MAST1: variants seen among roughly 807,000 people sequenced by gnomAD.
The protein encoded by MAST1 is microtubule associated serine/threonine kinase 1.
A neutral mutation model predicts 124.6 loss-of-function variants in MAST1; 40 were observed. The observed-to-expected ratio is 0.32, with a 90% CI of 0.25 to 0.42. The LOEUF (loss-of-function observed/expected upper bound fraction) is 0.42, where lower values mean the gene tolerates loss of function less well. Ranked by LOEUF, MAST1 falls within the 10% of genes least tolerant of loss-of-function variation. MAST1 has a pLI of 1.00. For missense variants in MAST1, 1,558 were observed against 2,181.9 expected (o/e 0.71, Z 5.70); for synonymous variants, 938 against 939.4 (o/e 1.00, Z 0.03).
At chr19:12,849,804 TA>T (rs1330807756) in intron 7 of MAST1, among the ~76,000 whole-genome samples, 1 of 152,086 alleles carries the variant, frequency 6.6e-6, no homozygotes, top group Non-Finnish European at 1.5e-5. Context: ...TTATTTATTT[TA>T]TTTTTTTTGG....
intron 12 of MAST1, among the ~76,000 whole-genome samples, chr19:12,864,174 G>A (rs992426364): frequency 2.6e-5 from 4 of 152,098 alleles, no homozygotes; most frequent in South Asian, 2.1e-4. Context: ...TGATCCACCC[G>A]CCTTGGCTTC....
intron 4 of MAST1, among the ~76,000 whole-genome samples, chr19:12,846,800 C>T (rs369671839): frequency 7.1e-6 from 1 of 140,938 alleles, no homozygotes; most frequent in African/African-American, 2.8e-5. Flanking sequence ...ATCGCTTGAA[C>T]GCGGGAGGCG....
At chr19:12,860,384 G>T (rs2145903015) in intron 12 of MAST1, among the ~76,000 whole-genome samples, 1 of 150,746 alleles carries the variant, frequency 6.6e-6, no homozygotes, top group East Asian at 2.0e-4. Context: ...CCAAAGTGCT[G>T]TGATTACAGG....
chr19:12,867,103 A>G (rs1432448685), intron 18 of MAST1, among the ~76,000 whole-genome samples: 1 of 152,006 alleles, frequency 6.6e-6, no homozygotes, highest in African/African-American at 2.4e-5. Flanking sequence ...TTATTTATTT[A>G]TTTTTATTTT....
rs1253804426 is a variant in MAST1, at chr19:12,843,601, C to A, written c.321C>A (p.Thr107=). 6.2e-7 allele frequency: 1 copy of A among 1,613,124 alleles called. No individual in the cohort carries two copies. The highest frequency in any genetic ancestry group is 8.5e-7 in the Non-Finnish European group (1 of 1,179,628). Residue 107 remains threonine, a synonymous_variant, in exon 4 of 26, where the codon ACC becomes ACA. Coordinates refer to ENST00000251472, the MANE Select transcript of MAST1 (RefSeq NM_014975.3). The surrounding 1 kb of genome is among the most constrained non-coding windows in gnomAD (Gnocchi z 4.9). ...SGYGTNTPSS[T]VSSSCSSQER... ...ATGGCACCAACACGCCCAGTTCCACCGTCTCGGTGAGTGTGGAAAGTAGGT... is the reference window on the plus strand; with the variant it reads ...ATGGCACCAACACGCCCAGTTCCACAGTCTCGGTGAGTGTGGAAAGTAGGT...
At chr19:12,869,911 G>A (rs766598156) in intron 22 of MAST1, among the ~76,000 whole-genome samples, 10 of 151,862 alleles carry the variant, frequency 6.6e-5, no homozygotes, top group Non-Finnish European at 1.2e-4. Flanking sequence ...AAATTGGGCC[G>A]AGCGCGGTGG....
chr19:12,863,015 G>A (rs968448068), intron 12 of MAST1, among the ~76,000 whole-genome samples: 9 of 151,644 alleles, frequency 5.9e-5, no homozygotes, highest in East Asian at 1.9e-4. Context: ...CAGGAGTGGC[G>A]GTGCACGCCT....
intron 12 of MAST1, among the ~76,000 whole-genome samples, chr19:12,862,018 T>G (rs972500453): frequency 9.8e-5 from 12 of 122,538 alleles, no homozygotes; most frequent in African/African-American, 3.6e-4. Context: ...TTTTTTTTTT[T>G]GAAATGGAGT....
intron 22 of MAST1, among the ~76,000 whole-genome samples, chr19:12,870,473 AGAGC>A (rs1420213831): frequency 2.0e-5 from 3 of 146,518 alleles, no homozygotes; most frequent in Non-Finnish European, 4.5e-5. Flanking sequence ...CCTGGGTGAC[AGAGC>A]GAGAGACTCC....
intron 21 of MAST1, 60 bp from the exon 22 acceptor site, chr19:12,869,006 G>A: frequency 6.3e-7 from 1 of 1,575,404 alleles, no homozygotes; most frequent in Admixed American, 1.7e-5. Flanking sequence ...GGGAGGAGCA[G>A]ATACAGGGAG....
At chr19:12,857,758 T>G (rs1251706916) in intron 10 of MAST1, among the ~76,000 whole-genome samples, 1 of 152,186 alleles carries the variant, frequency 6.6e-6, no homozygotes, top group African/African-American at 2.4e-5. Context: ...CTGGGTACAG[T>G]GGCTCATGCC....
At chr19:12,863,474 A>C (rs1970111427) in intron 12 of MAST1, among the ~76,000 whole-genome samples, 1 of 152,132 alleles carries the variant, frequency 6.6e-6, no homozygotes, top group African/African-American at 2.4e-5. Flanking sequence ...GTGATTGAAA[A>C]ACCAATATTA....
At chr19:12,856,667 A>C (rs1970021736) in intron 10 of MAST1, among the ~76,000 whole-genome samples, 1 of 152,194 alleles carries the variant, frequency 6.6e-6, no homozygotes, top group African/African-American at 2.4e-5. Context: ...TTTACACTTA[A>C]TAAAATAGAG....
intron 4 of MAST1, among the ~76,000 whole-genome samples, chr19:12,845,502 C>G (rs542752223): frequency 6.8e-6 from 1 of 146,200 alleles, no homozygotes; most frequent in Non-Finnish European, 1.5e-5. Context: ...AAAGATTGCT[C>G]GAGCCCAGGA....
At chr19:12,850,078 G>A (rs993110395) in intron 7 of MAST1, among the ~76,000 whole-genome samples, 1 of 152,160 alleles carries the variant, frequency 6.6e-6, no homozygotes, top group South Asian at 2.1e-4. Context: ...GATTACAGGT[G>A]TGAGCCACCA....
At chr19:12,860,249 G>A (rs1255690021) in intron 12 of MAST1, among the ~76,000 whole-genome samples, 2 of 151,724 alleles carry the variant, frequency 1.3e-5, no homozygotes, top group Non-Finnish European at 2.9e-5. Context: ...TGAGTAGCTG[G>A]GATTACAGGT....
At chr19:12,844,506 G>A (rs1236418332) in intron 4 of MAST1, among the ~76,000 whole-genome samples, 1 of 152,206 alleles carries the variant, frequency 6.6e-6, no homozygotes, top group African/African-American at 2.4e-5. Flanking sequence ...AGTAGCACAA[G>A]GTGAGGTGAT....
chr19:12,838,637 T>C lies in MAST1; in HGVS notation c.65T>C (p.Met22Thr). The C allele has an allele frequency of 6.2e-7, 1 of 1,609,860 alleles. No individual in the cohort carries two copies. Among genetic ancestry groups the C allele is most frequent in the Non-Finnish European group, 8.5e-7 (1 of 1,178,444 alleles). The change falls in exon 1 of 26, where the codon ATG becomes ACG. Residue 22 changes from methionine (M) to threonine (T), a missense_variant. Coordinates refer to ENST00000251472, the MANE Select transcript of MAST1 (RefSeq NM_014975.3). The surrounding 1 kb of genome is among the most constrained non-coding windows in gnomAD (Gnocchi z 4.3). ...FSMPSFPGGS[M>T]FRRTKSCRTS... ...ATGCCCTCCTTCCCCGGCGGCAGTA[T>C]GTTCCGCCGCACCAAGAGGTAGACC...
chr19:12,869,909 C>T (rs1360093339), intron 22 of MAST1, among the ~76,000 whole-genome samples: 2 of 151,732 alleles, frequency 1.3e-5, no homozygotes, highest in Non-Finnish European at 2.9e-5. Flanking sequence ...AAAAATTGGG[C>T]CGAGCGCGGT....
Sources: allele counts gnomAD v4.1 joint callset (sites outside exome capture counted in the v4.1 genomes callset), GRCh38; gene constraint gnomAD v4.1.1; non-coding constraint Gnocchi (gnomAD v3.1); transcripts MANE v1.5; gene names NCBI Gene and HGNC (gene_info 2026-07-23, HGNC 2026-07-21).